The following SLC6A16 variants were observed in gnomAD, a reference collection of about 807,000 sequenced individuals.
The protein encoded by SLC6A16 is orphan sodium- and chloride-dependent neurotransmitter transporter NTT5.
A neutral mutation model predicts 65.4 loss-of-function variants in SLC6A16; 54 were observed. The ratio of observed to expected loss-of-function variants is 0.83; its 90% CI spans 0.66 to 1.04. The LOEUF is 1.04. Ranked by LOEUF, SLC6A16 falls within the 50% of genes least tolerant of loss-of-function variation. SLC6A16 has a pLI of 0.00. For missense variants in SLC6A16, 816 were observed against 914.0 expected, an observed-to-expected ratio of 0.89 and a Z score of 1.38; for synonymous variants, 330 against 346.5, an observed-to-expected ratio of 0.95 and a Z score of 0.53.
chr19:49,293,614 CTT>C (rs1205931837), intron 9 of SLC6A16, among the ~76,000 whole-genome samples: 2 of 152,074 alleles, frequency 1.3e-5, no homozygotes, highest in Admixed American at 6.6e-5. Context: ...AGCTACAAAA[CTT>C]AGCCGGGCGT....
At chr19:49,333,954 C>T in the SLC6A16 span, among the ~76,000 whole-genome samples, 21 of 152,344 alleles carry the variant, frequency 1.4e-4, 1 homozygote, top group South Asian at 1.0e-3. Flanking sequence ...CTGGGGCCTC[C>T]GCTCCTCGGG....
chr19:49,293,287 A>G lies in SLC6A16; in HGVS notation c.1714T>C (p.Phe572Leu), dbSNP rs761515092. ...AATACGACAACGACGATGATGGGGAAGACTATCCAGTAGTCACTCAGCAGT... is the reference window on the plus strand; with the variant it reads ...AATACGACAACGACGATGATGGGGAGGACTATCCAGTAGTCACTCAGCAGT... ...IRLLSDYWIV[F>L]PIIVVVVFET... Residue 572 changes from phenylalanine (F) to leucine (L), a missense_variant, in exon 10 of 12, where the codon TTC (phenylalanine) becomes CTC (leucine). Transcript: ENST00000335875. 8 of 1,614,044 alleles carry G rather than the reference A, an allele frequency of 5.0e-6. No individual in the cohort carries two copies. In the Admixed American group the frequency reaches 6.7e-5, roughly 13 times the overall value.
chr19:49,338,633 T>TGA, the SLC6A16 span: 1 of 1,203,270 alleles, frequency 8.3e-7, no homozygotes, highest in Non-Finnish European at 1.2e-6. This position sits in a 1 kb window ranked among gnomAD's most constrained non-coding sequence, Gnocchi z 5.0. Context: ...ACCCATCACC[T>TGA]TGTCCCCTGA....
the SLC6A16 span, chr19:49,336,667 A>C: frequency 2.1e-6 from 1 of 482,704 alleles, no homozygotes; most frequent in Non-Finnish European, 3.7e-6. Context: ...GGGGACGAGG[A>C]GGAGCTGAAG....
At chr19:49,303,942 G>C (rs1464585117) in intron 7 of SLC6A16, among the ~76,000 whole-genome samples, 2 of 152,128 alleles carry the variant, frequency 1.3e-5, no homozygotes, top group Non-Finnish European at 2.9e-5. Flanking sequence ...CTTCATAATG[G>C]ACCTCAGATA....
the SLC6A16 span, chr19:49,337,770 CAG>C: frequency 1.3e-6 from 2 of 1,539,668 alleles, no homozygotes; most frequent in Non-Finnish European, 8.7e-7. Flanking sequence ...GTGGAAGAAA[CAG>C]AAAGACAGAC....
At chr19:49,322,412 G>A (rs1448762934) in intron 1 of SLC6A16, among the ~76,000 whole-genome samples, 1 of 152,048 alleles carries the variant, frequency 6.6e-6, no homozygotes, top group African/African-American at 2.4e-5. Context: ...AGGCCAAAGT[G>A]GGCAGATCAC....
upstream of SLC6A16, chr19:49,325,319 C>G (rs574696334): frequency 2.4e-6 from 2 of 849,424 alleles, no homozygotes; most frequent in Admixed American, 1.2e-4. Context: ...TCTCCCCACA[C>G]GCACGCACGT....
At chr19:49,325,528 T>G (rs1012608391), upstream of SLC6A16, among the ~76,000 whole-genome samples, 6 of 152,192 alleles carry the variant, frequency 3.9e-5, no homozygotes, top group African/African-American at 1.2e-4. Context: ...CTTCAAACCT[T>G]TCGCATTTAC....
intron 7 of SLC6A16, among the ~76,000 whole-genome samples, chr19:49,300,033 A>G (rs1172766969): frequency 6.6e-6 from 1 of 151,784 alleles, no homozygotes; most frequent in Non-Finnish European, 1.5e-5. Flanking sequence ...AGTAATTTAA[A>G]GGATATTCAA....
intron 8 of SLC6A16, 105 bp downstream of exon 8, chr19:49,294,262 T>G: frequency 8.7e-7 from 1 of 1,151,332 alleles, no homozygotes; most frequent in Non-Finnish European, 1.2e-6. Context: ...CACAGATGAT[T>G]CTGGTGCTTC....
chr19:49,305,334 G>A (rs1360345047), intron 7 of SLC6A16, among the ~76,000 whole-genome samples: 1 of 152,156 alleles, frequency 6.6e-6, no homozygotes, highest in Non-Finnish European at 1.5e-5. Flanking sequence ...GCTCACGCCT[G>A]TAATCCCAGC....
chr19:49,335,521 G>C, the SLC6A16 span: 1 of 1,598,628 alleles, frequency 6.3e-7, no homozygotes, highest in Admixed American at 1.7e-5. This position sits in a 1 kb window ranked among gnomAD's most constrained non-coding sequence, Gnocchi z 4.6. Flanking sequence ...TGAGTGGACC[G>C]CTTACCCCAC....
intron 1 of SLC6A16, among the ~76,000 whole-genome samples, chr19:49,313,865 T>C (rs1420508837): frequency 1.3e-5 from 2 of 151,662 alleles, no homozygotes; most frequent in Non-Finnish European, 2.9e-5. Context: ...GAGGCCGAGG[T>C]GGGTGGATCA....
At chr19:49,307,420 C>A (rs569615062) in intron 7 of SLC6A16, among the ~76,000 whole-genome samples, 2 of 152,160 alleles carry the variant, frequency 1.3e-5, no homozygotes, top group South Asian at 4.1e-4. Context: ...AAGGGGAGCA[C>A]ACCCTACTCA....
intron 1 of SLC6A16, among the ~76,000 whole-genome samples, chr19:49,323,911 T>TC (rs1235393016): frequency 6.6e-6 from 1 of 152,150 alleles, no homozygotes; most frequent in Non-Finnish European, 1.5e-5. Flanking sequence ...CAGCCTGTAA[T>TC]CCCAGCTCTT....
Position 49,293,925 on chromosome 19 carries a change from G to A in SLC6A16, c.1520C>T (p.Ala507Val), listed in dbSNP as rs556545410. ...WSFIFFLMLL[A>V]MGLSSAIGIM... is the part of the protein sequence containing the mutation. ...CCCTATTGCGCTGCTCAGCCCCATG[G>A]CCAGCAACATCAGGAAGAAGATAAA... Residue 507 changes from alanine (A) to valine (V), a missense_variant, in exon 9 of 12, where the codon GCC becomes GTC. Coordinates refer to ENST00000335875, the MANE Select transcript of SLC6A16 (RefSeq NM_014037.3). 6.2e-7 allele frequency: 1 copy of A among 1,613,892 alleles called. No individual in the cohort carries two copies. Among genetic ancestry groups the A allele is most frequent in the East Asian group, 2.2e-5 (1 of 44,866 alleles).
At chr19:49,310,314 G>A (rs377200063) in intron 3 of SLC6A16, 39 bp downstream of exon 3, 7 of 1,610,666 alleles carry the variant, frequency 4.3e-6, no homozygotes, top group African/African-American at 2.7e-5. Context: ...ATGGCGGTGG[G>A]GTGTAAAAGT....
intron 7 of SLC6A16, among the ~76,000 whole-genome samples, chr19:49,304,358 T>C (rs1051787039): frequency 2.0e-5 from 3 of 152,232 alleles, no homozygotes; most frequent in African/African-American, 7.2e-5. Flanking sequence ...CAGAAACATC[T>C]GCCCAACAAA....
Sources: allele counts gnomAD v4.1 joint callset (sites outside exome capture counted in the v4.1 genomes callset), GRCh38; gene constraint gnomAD v4.1.1; non-coding constraint Gnocchi (gnomAD v3.1); transcripts MANE v1.5; gene names NCBI Gene and HGNC (gene_info 2026-07-23, HGNC 2026-07-21).